Variants in GALNTL6 observed in about 807,000 individuals in gnomAD.
GALNTL6 encodes the protein polypeptide N-acetylgalactosaminyltransferase-like 6.
A neutral mutation model predicts 73.7 loss-of-function variants in GALNTL6; 46 were observed. The ratio of observed to expected loss-of-function variants is 0.62; its 90% CI spans 0.49 to 0.80. GALNTL6 has a LOEUF of 0.80. Among genes scored for constraint, GALNTL6 ranks in the 30% least tolerant of loss-of-function variants. GALNTL6 has a pLI of 0.00. For synonymous variants in GALNTL6, 259 were observed against 263.7 expected (o/e 0.98, Z 0.17); for missense variants, 604 against 755.0 (o/e 0.80, Z 2.34).
At chr4:171,924,712 C>G (rs1207894981) in intron 2 of GALNTL6, among the ~76,000 whole-genome samples, 1 of 152,108 alleles carries the variant, frequency 6.6e-6, no homozygotes, top group Non-Finnish European at 1.5e-5. Flanking sequence ...GTCCAATTCT[C>G]CTTGTTTATC....
At chr4:171,824,440 A>G (rs896118270) in intron 2 of GALNTL6, among the ~76,000 whole-genome samples, 1 of 152,112 alleles carries the variant, frequency 6.6e-6, no homozygotes, top group African/African-American at 2.4e-5. Context: ...TAAAAAGAGT[A>G]TAAAAAGAGT....
intron 5 of GALNTL6, among the ~76,000 whole-genome samples, chr4:172,458,926 G>T (rs1429676490): frequency 1.3e-5 from 2 of 152,034 alleles, no homozygotes; most frequent in Non-Finnish European, 2.9e-5. Flanking sequence ...AAAATTTCAG[G>T]CCAATATCCT....
chr4:173,023,018 T>C (rs771252094), intron 12 of GALNTL6, among the ~76,000 whole-genome samples: 9 of 152,112 alleles, frequency 5.9e-5, no homozygotes, highest in Non-Finnish European at 1.3e-4. Context: ...ATGCCTTCTG[T>C]TTGCTTTTTC....
chr4:172,175,027 G>A (rs1337086201), intron 2 of GALNTL6, among the ~76,000 whole-genome samples: 6 of 152,038 alleles, frequency 3.9e-5, no homozygotes, highest in Non-Finnish European at 7.4e-5. Context: ...TACCCTAAGA[G>A]AGTGCAAACT....
At chr4:172,990,986 G>A (rs1393513443) in intron 10 of GALNTL6, among the ~76,000 whole-genome samples, 1 of 152,006 alleles carries the variant, frequency 6.6e-6, no homozygotes, top group African/African-American at 2.4e-5. Flanking sequence ...GAATTCAGGG[G>A]ACCTAATTCT....
intron 2 of GALNTL6, among the ~76,000 whole-genome samples, chr4:171,963,138 T>C (rs1234226528): frequency 6.6e-6 from 1 of 151,898 alleles, no homozygotes; most frequent in Non-Finnish European, 1.5e-5. Flanking sequence ...TTTTTAGTAC[T>C]GTGCTCTAAT....
At chr4:172,606,667 A>ATATAGTATATATATAG (rs1304452218) in intron 5 of GALNTL6, among the ~76,000 whole-genome samples, 2,412 of 44,842 alleles carry the variant, frequency 0.054, 80 homozygotes, top group South Asian at 0.19. Flanking sequence ...TATATACTAT[A>ATATAGTATATATATAG]TATATATACT....
At chr4:172,700,623 A>G (rs1415139530) in intron 5 of GALNTL6, among the ~76,000 whole-genome samples, 1 of 152,142 alleles carries the variant, frequency 6.6e-6, no homozygotes, top group African/African-American at 2.4e-5. Context: ...CAGTGGACAA[A>G]CAGGTGACCC....
At chr4:172,801,337 G>A (rs1320761395) in intron 5 of GALNTL6, among the ~76,000 whole-genome samples, 1 of 152,150 alleles carries the variant, frequency 6.6e-6, no homozygotes, top group African/African-American at 2.4e-5. Context: ...CATTCTAAGA[G>A]TAGATGCTCT....
rs149341804 is a variant in GALNTL6 at position 172,936,185 on chromosome 4, G to A, written c.1149+4917G>A. 4.6e-3 allele frequency among the ~76,000 whole-genome samples: 706 copies of A among 152,158 alleles called. 6 individuals are homozygous for A. Among genetic ancestry groups the A allele is most frequent in the African/African-American group, 0.015 (621 of 41,526 alleles). On this transcript the variant is annotated intron_variant, in intron 9 of 12. Coordinates refer to ENST00000506823, the MANE Select transcript of GALNTL6 (RefSeq NM_001034845.3). ...GCAGAACCAACGACAAAAACCACAC[G>A]ATTATCTCAATATATGCAGAAAAGG...
intron 5 of GALNTL6, among the ~76,000 whole-genome samples, chr4:172,566,081 C>G (rs1010459986): frequency 2.8e-4 from 42 of 151,994 alleles, no homozygotes; most frequent in Non-Finnish European, 4.9e-4. Flanking sequence ...AAATCAACAG[C>G]AATAAACTGA....
intron 4 of GALNTL6, among the ~76,000 whole-genome samples, chr4:172,318,009 A>C (rs1362363813): frequency 6.6e-6 from 1 of 152,226 alleles, no homozygotes; most frequent in African/African-American, 2.4e-5. Flanking sequence ...AGCCTAGGGC[A>C]CATCTAAATA....
At chr4:172,948,359 C>T (rs1749272849) in intron 9 of GALNTL6, among the ~76,000 whole-genome samples, 1 of 152,184 alleles carries the variant, frequency 6.6e-6, no homozygotes, top group Non-Finnish European at 1.5e-5. Flanking sequence ...TCACATGATC[C>T]TTGGAATATG....
intron 2 of GALNTL6, among the ~76,000 whole-genome samples, chr4:172,025,661 T>C (rs1187208289): frequency 6.6e-6 from 1 of 152,034 alleles, no homozygotes; most frequent in Non-Finnish European, 1.5e-5. Context: ...GAAATCAATA[T>C]ACTAGTCAAG....
intron 5 of GALNTL6, among the ~76,000 whole-genome samples, chr4:172,722,003 A>C (rs1579393636): frequency 7.3e-6 from 1 of 137,248 alleles, no homozygotes; most frequent in South Asian, 2.4e-4. Flanking sequence ...TTTTTTTCCC[A>C]AAATCGTGAC....
At chr4:172,857,451 A>C (rs1387283552) in intron 7 of GALNTL6, among the ~76,000 whole-genome samples, 2 of 152,180 alleles carry the variant, frequency 1.3e-5, no homozygotes, top group African/African-American at 4.8e-5. Flanking sequence ...AGATCCTGGA[A>C]AAAAGGCCTA....
At position 172,207,931 on chromosome 4, in the gene GALNTL6, A is replaced by G. The variant is rs571951478; in HGVS notation, c.139-21725A>G. On this transcript the variant is annotated intron_variant, in intron 2 of 12. Coordinates refer to ENST00000506823, the MANE Select transcript of GALNTL6 (RefSeq NM_001034845.3). ...ATTTTCATTCTGTATGACTTGTAGA[A>G]TCTTTCCTGTACTCCATGTTTGTTA... is the stretch of plus-strand genomic sequence containing the variant. Among the ~76,000 whole-genome samples the G allele has an allele frequency of 4.7e-4, 71 of 152,338 alleles. 1 individual carries two copies. The highest frequency in any genetic ancestry group is 1.7e-3 in the African/African-American group (71 of 41,576).
intron 2 of GALNTL6, among the ~76,000 whole-genome samples, chr4:172,010,550 A>C (rs1226343551): frequency 6.6e-6 from 1 of 151,890 alleles, no homozygotes; most frequent in East Asian, 1.9e-4. Flanking sequence ...GATATATAAA[A>C]GGAGAAAAAT....
intron 2 of GALNTL6, among the ~76,000 whole-genome samples, chr4:171,915,782 G>A (rs949276359): frequency 1.4e-4 from 22 of 152,046 alleles, no homozygotes; most frequent in African/African-American, 2.2e-4. Context: ...GGGTCAGAAA[G>A]CCTCATTTAT....
Sources: gnomAD v4.1 joint callset for allele counts (sites outside exome capture counted in the v4.1 genomes callset) on GRCh38, gnomAD v4.1.1 for gene constraint, MANE v1.5 for transcripts, NCBI Gene and HGNC (gene_info 2026-07-23, HGNC 2026-07-21) for gene names.